CACNG3: variants seen among roughly 807,000 people sequenced by gnomAD.
CACNG3 encodes the protein calcium voltage-gated channel auxiliary subunit gamma 3.
A neutral mutation model predicts 28.5 loss-of-function variants in CACNG3; 3 were observed. The observed-to-expected ratio is 0.11, with a 90% confidence interval of 0.05 to 0.27. The LOEUF (loss-of-function observed/expected upper bound fraction) is 0.27, where lower values mean the gene tolerates loss of function less well. Ranked by LOEUF, CACNG3 falls within the 10% of genes least tolerant of loss-of-function variation. The probability of loss-of-function intolerance (pLI) is 1.00; values close to 1 mark genes in which losing one functional copy is unlikely to be tolerated. For synonymous variants in CACNG3, 174 were observed against 162.2 expected, an observed-to-expected ratio of 1.07 and a Z score of -0.55; for missense variants, 236 against 414.4, an observed-to-expected ratio of 0.57 and a Z score of 3.74.
At chr16:24,351,504 G>A (rs1348690018) in intron 2 of CACNG3, among the ~76,000 whole-genome samples, 1 of 151,294 alleles carries the variant, frequency 6.6e-6, no homozygotes, top group East Asian at 2.0e-4. Context: ...CTCGGGTGGT[G>A]GAGGTTGCAG....
intron 1 of CACNG3, among the ~76,000 whole-genome samples, chr16:24,315,781 C>T (rs530130118): frequency 5.3e-5 from 8 of 152,190 alleles, no homozygotes; most frequent in Non-Finnish European, 8.8e-5. Context: ...GCCTCAGTCT[C>T]CCAAGTAGCT....
intron 1 of CACNG3, among the ~76,000 whole-genome samples, chr16:24,258,677 G>A (rs1898500423): frequency 6.6e-6 from 1 of 152,156 alleles, no homozygotes; most frequent in Non-Finnish European, 1.5e-5. Flanking sequence ...TGGCTATAAG[G>A]AATTGAATTA....
chr16:24,265,851 G>T lies in CACNG3; in HGVS notation c.211+8886G>T, dbSNP rs151243251. Among the ~76,000 whole-genome samples, 423 of 152,202 alleles carry T rather than the reference G, an allele frequency of 2.8e-3. 2 individuals carry two copies. Among genetic ancestry groups the T allele is most frequent in the African/African-American group, 9.8e-3 (406 of 41,510 alleles). ...TCAATTTTGCTGCTTGGCCTGCAAAGCCTGAAATATTTACTATCTTGCCTT... is the reference window on the plus strand; with the variant it reads ...TCAATTTTGCTGCTTGGCCTGCAAATCCTGAAATATTTACTATCTTGCCTT... On this transcript the variant is annotated intron_variant, in intron 1 of 3. Transcript: ENST00000005284.
At chr16:24,319,018 A>G (rs1218819724) in intron 1 of CACNG3, among the ~76,000 whole-genome samples, 1 of 152,190 alleles carries the variant, frequency 6.6e-6, no homozygotes, top group African/African-American at 2.4e-5. Context: ...TTTTGTTTTC[A>G]TTGTGTTTAT....
chr16:24,349,994 T>A (rs1413080229), intron 2 of CACNG3, among the ~76,000 whole-genome samples: 2 of 152,194 alleles, frequency 1.3e-5, no homozygotes, highest in Non-Finnish European at 2.9e-5. Flanking sequence ...TGAACAAGCT[T>A]ATGTCCCCAC....
At chr16:24,286,101 T>C (rs1596627969) in intron 1 of CACNG3, among the ~76,000 whole-genome samples, 1 of 152,164 alleles carries the variant, frequency 6.6e-6, no homozygotes, top group Admixed American at 6.5e-5. Context: ...CTTGATTTTT[T>C]CAATAGCTAC....
intron 1 of CACNG3, among the ~76,000 whole-genome samples, chr16:24,273,803 A>G (rs1414316456): frequency 6.6e-6 from 1 of 152,220 alleles, no homozygotes; most frequent in African/African-American, 2.4e-5. Flanking sequence ...GCTTTCTGGT[A>G]CAGTTTTCAT....
At position 24,280,976 on chromosome 16, in the gene CACNG3, A is replaced by G. The variant is rs551627333; in HGVS notation, c.211+24011A>G. The stretch of plus-strand genomic sequence containing the variant: ...AAAACTAAATTCTAATTGACTTAAG[A>G]ATGGGGAGACAGAAAGAGAGAAAAA... On this transcript the variant is annotated intron_variant, in intron 1 of 3. Transcript: ENST00000005284. Among the ~76,000 whole-genome samples, 47 of 150,558 alleles carry G rather than the reference A, an allele frequency of 3.1e-4. 1 individual carries two copies. In the South Asian group the frequency reaches 5.8e-3, roughly 19 times the overall value.
intron 1 of CACNG3, among the ~76,000 whole-genome samples, chr16:24,346,498 A>G (rs1374250686): frequency 6.6e-6 from 1 of 152,192 alleles, no homozygotes; most frequent in African/African-American, 2.4e-5. Flanking sequence ...GGATCACTTG[A>G]GCCCAAGAGT....
chr16:24,318,524 A>C (rs1348596176), intron 1 of CACNG3, among the ~76,000 whole-genome samples: 1 of 152,150 alleles, frequency 6.6e-6, no homozygotes, highest in Non-Finnish European at 1.5e-5. Flanking sequence ...TGAATGAAAA[A>C]ACAGCAGCTT....
At position 24,361,682 on chromosome 16, in the gene CACNG3, C is replaced by T; in HGVS notation, c.767C>T (p.Thr256Ile). Residue 256 changes from threonine to isoleucine, a missense_variant, in exon 4 of 4, where the codon ACC becomes ATC. By Grantham distance (89) the Thr-to-Ile change is moderately conservative (BLOSUM62 -1). Transcript: ENST00000005284. The surrounding 1 kb of genome is among the most constrained non-coding windows in gnomAD (Gnocchi z 6.8). Reference protein sequence around the residue: ...DLSPISKGFHTIPSTDISMFT... With the variant: ...DLSPISKGFHIIPSTDISMFT... ...TCCCCCATCAGCAAAGGCTTCCACA[C>T]CATCCCTTCCACTGACATCTCGATG... 6.2e-7 allele frequency: 1 copy of T among 1,614,004 alleles called. No individual in the cohort carries two copies. Among genetic ancestry groups the T allele is most frequent in the Non-Finnish European group, 8.5e-7 (1 of 1,180,004 alleles).
At chr16:24,280,821 CAAAAA>C (rs71154295) in intron 1 of CACNG3, among the ~76,000 whole-genome samples, 6 of 55,626 alleles carry the variant, frequency 1.1e-4, no homozygotes, top group Admixed American at 2.5e-4. Flanking sequence ...GAGTTTGTCT[CAAAAA>C]AAAAAAAAAA....
chr16:24,322,341 G>A (rs1899474254), intron 1 of CACNG3, among the ~76,000 whole-genome samples: 1 of 152,052 alleles, frequency 6.6e-6, no homozygotes, highest in Non-Finnish European at 1.5e-5. Flanking sequence ...GCGCCTCAAA[G>A]GAACCCCGGC....
rs182667588 is a variant in CACNG3 at position 24,257,284 on chromosome 16, G to A, written c.211+319G>A. Among the ~76,000 whole-genome samples the A allele has an allele frequency of 4.5e-3, 676 of 150,608 alleles. 14 individuals are homozygous for A. Among genetic ancestry groups the A allele is most frequent in the Admixed American group, 4.0e-3 (60 of 15,076 alleles). ...ACTGCTTGGATCTCTGGCTTGAGAT[G>A]GGGTCTTTAACCCTGCTTAAATTGG... On this transcript the variant is annotated intron_variant, in intron 1 of 3. Transcript: ENST00000005284.
intron 1 of CACNG3, among the ~76,000 whole-genome samples, chr16:24,309,922 G>A (rs1392920402): frequency 2.0e-5 from 3 of 152,296 alleles, no homozygotes; most frequent in East Asian, 3.9e-4. Flanking sequence ...ATGCTACATC[G>A]CGGGGACTTC....
chr16:24,336,645 G>C lies in CACNG3; in HGVS notation c.212-10089G>C, dbSNP rs1399830631. ...GACTCATACCTATAATCCTAGTATA[G>C]GTATGATCCTGGGAAGAAAGAGAAC... On this transcript the variant is annotated intron_variant, in intron 1 of 3. Transcript: ENST00000005284. Among the ~76,000 whole-genome samples, 7 of 114,366 alleles carry C rather than the reference G, an allele frequency of 6.1e-5. 1 individual carries two copies. The allele number at this position is 114,366 out of a possible 152,430, so 75.0% of individuals were successfully genotyped here. A position where few individuals can be genotyped will look rare whatever the true frequency, so the allele number is the denominator to read the frequency against.
At chr16:24,259,173 G>T (rs1314368719) in intron 1 of CACNG3, among the ~76,000 whole-genome samples, 8 of 152,202 alleles carry the variant, frequency 5.3e-5, no homozygotes, top group Non-Finnish European at 1.2e-4. Flanking sequence ...TTTTTTTGTT[G>T]TTGTTCACTT....
Position 24,274,396 on chromosome 16 carries a change from A to G in CACNG3, c.211+17431A>G, listed in dbSNP as rs1898727558. Among the ~76,000 whole-genome samples, 3 of 152,186 alleles carry G rather than the reference A, an allele frequency of 2.0e-5. No homozygotes were observed. In the South Asian group the frequency reaches 6.2e-4, roughly 32 times the overall value. ...TTAATATTTGTTCAACTCTTAGAAC[A>G]GTGCCTGGCACATGTAAGTACTAAT... On this transcript the variant is annotated intron_variant, in intron 1 of 3. Coordinates refer to ENST00000005284, the MANE Select transcript of CACNG3 (RefSeq NM_006539.4).
At chr16:24,300,909 T>C (rs974633327) in intron 1 of CACNG3, among the ~76,000 whole-genome samples, 1 of 151,994 alleles carries the variant, frequency 6.6e-6, no homozygotes, top group Non-Finnish European at 1.5e-5. Flanking sequence ...ATTAGCCGGA[T>C]GTGGTGGCAC....
Sources: allele counts gnomAD v4.1 joint callset (sites outside exome capture counted in the v4.1 genomes callset), GRCh38; gene constraint gnomAD v4.1.1; non-coding constraint Gnocchi (gnomAD v3.1); transcripts MANE v1.5; gene names NCBI Gene and HGNC (gene_info 2026-07-23, HGNC 2026-07-21).